The following CAPN14 variants were observed in gnomAD, a reference collection of about 807,000 sequenced individuals.
CAPN14 encodes the protein calpain 14, also known as calpain-14.
In CAPN14, 94 loss-of-function variants were observed where a neutral mutation model predicts 101.3. The ratio of observed to expected loss-of-function variants is 0.93; its 90% CI spans 0.79 to 1.10. The LOEUF is 1.10. Among genes scored for constraint, CAPN14 ranks in the 50% least tolerant of loss-of-function variants. The pLI is 0.00. For missense variants in CAPN14, 837 were observed against 828.4 expected (o/e 1.01, Z -0.13); for synonymous variants, 338 against 317.9 (o/e 1.06, Z -0.67).
intron 7 of CAPN14, among the ~76,000 whole-genome samples, chr2:31,197,543 C>T (rs1034786234): frequency 1.3e-5 from 2 of 152,270 alleles, no homozygotes; most frequent in Non-Finnish European, 2.9e-5. Flanking sequence ...CTCCATTTCC[C>T]GATCTGTGAA....
At chr2:31,189,646 T>C in intron 12 of CAPN14, 168 bp from the exon 13 acceptor site, 1 of 700,504 alleles carries the variant, frequency 1.4e-6, no homozygotes, top group Non-Finnish European at 2.6e-6. Flanking sequence ...AAAACCAGAA[T>C]ATGTGTGTGG....
At chr2:31,177,882 C>A (rs1049678368) in intron 18 of CAPN14, 61 bp from the exon 19 acceptor site, 7 of 1,208,720 alleles carry the variant, frequency 5.8e-6, no homozygotes, top group African/African-American at 3.0e-5. Flanking sequence ...ATCTGAGAGC[C>A]CTGTGTGCCC....
chr2:31,175,382 C>T (rs1445278919), intron 21 of CAPN14, among the ~76,000 whole-genome samples: 1 of 152,186 alleles, frequency 6.6e-6, no homozygotes, highest in Non-Finnish European at 1.5e-5. Context: ...TTGCCTAAGG[C>T]CCCACAGCTA....
chr2:31,208,495 A>C (rs1238431951), intron 1 of CAPN14, among the ~76,000 whole-genome samples: 2 of 152,196 alleles, frequency 1.3e-5, no homozygotes, highest in Non-Finnish European at 2.9e-5. Context: ...AGCACAGTAC[A>C]TCATGGGCTC....
chr2:31,221,962 G>T (rs1478232687), upstream of CAPN14, among the ~76,000 whole-genome samples: 1 of 152,174 alleles, frequency 6.6e-6, no homozygotes, highest in African/African-American at 2.4e-5. Flanking sequence ...CTGAAGCACT[G>T]TGTCTAGCAT....
intron 9 of CAPN14, 33 bp downstream of exon 9, chr2:31,194,376 C>A: frequency 6.7e-7 from 1 of 1,502,856 alleles, no homozygotes; most frequent in Non-Finnish European, 9.1e-7. Flanking sequence ...AAATGTAGGC[C>A]AGGACATTTG....
upstream of CAPN14, among the ~76,000 whole-genome samples, chr2:31,222,487 C>T (rs1162946170): frequency 2.0e-5 from 3 of 152,158 alleles, no homozygotes; most frequent in Non-Finnish European, 2.9e-5. Flanking sequence ...AGCAACTCAC[C>T]TCTAAGAGCC....
chr2:31,227,522 G>A (rs1683061406), intron 1 of CAPN14, among the ~76,000 whole-genome samples: 1 of 152,132 alleles, frequency 6.6e-6, no homozygotes, highest in African/African-American at 2.4e-5. Flanking sequence ...AAGGGGAAAG[G>A]GAACTATTTA....
intron 13 of CAPN14, 64 bp downstream of exon 13, chr2:31,189,209 T>C (rs1681054732): frequency 7.1e-7 from 1 of 1,417,976 alleles, no homozygotes; most frequent in South Asian, 1.2e-5. Context: ...TTTCCAACCT[T>C]GCCCTCCTTG....
rs1448418888 is a variant in CAPN14 at position 31,173,194 on chromosome 2, C to T, written c.*1487G>A. 1 of 152,192 alleles carries T rather than the reference C, an allele frequency of 6.6e-6. No individual in the cohort carries two copies. The highest frequency in any genetic ancestry group is 2.4e-5 in the African/African-American group (1 of 41,452). The allele number at this position is 152,192 out of a possible 1,614,324, so 9.4% of individuals were successfully genotyped here. On this transcript the variant is annotated 3_prime_UTR_variant, in exon 22 of 22. Transcript: ENST00000403897. ...ACATGATCATCATTTATAAAATCAA[C>T]AACATCTCATGTATCTGGCACTTTA...
At position 31,177,042 on chromosome 2, in the gene CAPN14, A is replaced by G; in HGVS notation, c.1956T>C (p.Arg652=). The G allele has an allele frequency of 6.4e-7, 1 of 1,551,312 alleles. No individual in the cohort carries two copies. ...DFVSFIHLML[R]VENMEDVFQN... ...CCAGCTTACCCTCCATGTTCTCTAC[A>G]CGCAGCATCAAGTGGATGAAACTGA... is the stretch of plus-strand genomic sequence containing the variant. Residue 652 remains arginine, a synonymous_variant, in exon 20 of 22, where the codon CGT becomes CGC. Transcript: ENST00000403897.
At position 31,200,517 on chromosome 2, in the gene CAPN14, G is replaced by T; in HGVS notation, c.660C>A (p.Asn220Lys). 6.4e-7 allele frequency: 1 copy of T among 1,551,550 alleles called. No individual in the cohort carries two copies. The highest frequency in any genetic ancestry group is 1.7e-4 in the Middle Eastern group (1 of 5,848). ...MTINLAEAHG[N>K]LWDILIEATY... is the part of the protein sequence containing the mutation. ...TGGCTTCGATGAGGATGTCCCAGAG[G>T]TTGCCATGGGCTTCTGCCAGGTTGA... The change falls in exon 6 of 22, where the codon AAC becomes AAA. Residue 220 changes from asparagine to lysine, a missense_variant. Transcript: ENST00000403897.
At chr2:31,177,623 C>A (rs1037900946) in intron 19 of CAPN14, 123 bp downstream of exon 19, 1 of 710,106 alleles carries the variant, frequency 1.4e-6, no homozygotes, top group Admixed American at 2.4e-5. Flanking sequence ...TGCAGATCTA[C>A]GTCTTTGAGA....
intron 5 of CAPN14, 77 bp from the exon 6 acceptor site, chr2:31,200,702 C>CTTA (rs1681714307): frequency 7.4e-7 from 1 of 1,352,328 alleles, no homozygotes; most frequent in Non-Finnish European, 9.9e-7. Flanking sequence ...TCGGCATCCA[C>CTTA]TTTTAAATAG....
At chr2:31,216,784 C>A (rs1460911997) in intron 1 of CAPN14, among the ~76,000 whole-genome samples, 1 of 152,136 alleles carries the variant, frequency 6.6e-6, no homozygotes, top group Non-Finnish European at 1.5e-5. Context: ...ATTTCCAGTG[C>A]CCATAGGCCA....
At chr2:31,200,930 C>A (rs144071236) in intron 5 of CAPN14, among the ~76,000 whole-genome samples, 3 of 152,140 alleles carry the variant, frequency 2.0e-5, no homozygotes, top group African/African-American at 4.8e-5. Flanking sequence ...TCACTCACAG[C>A]GAGATCTCAA....
intron 1 of CAPN14, among the ~76,000 whole-genome samples, chr2:31,217,031 G>T (rs564928074): frequency 6.6e-6 from 1 of 152,326 alleles, no homozygotes; most frequent in African/African-American, 2.4e-5. Context: ...TCAGTGATAA[G>T]CTGGCTGCCC....
At chr2:31,187,733 C>G (rs547400887) in intron 15 of CAPN14, 25 bp downstream of exon 15, 4 of 1,544,780 alleles carry the variant, frequency 2.6e-6, no homozygotes, top group African/African-American at 1.4e-5. Context: ...TCTTCCTCAC[C>G]CCCCACCACA....
At chr2:31,190,440 T>C (rs753230416) in intron 12 of CAPN14, among the ~76,000 whole-genome samples, 1 of 152,220 alleles carries the variant, frequency 6.6e-6, no homozygotes, top group Non-Finnish European at 1.5e-5. Context: ...CTCTTTGCCA[T>C]GGGCTACTAG....
Sources: gnomAD v4.1 joint callset for allele counts (sites outside exome capture counted in the v4.1 genomes callset) on GRCh38, gnomAD v4.1.1 for gene constraint, MANE v1.5 for transcripts, NCBI Gene and HGNC (gene_info 2026-07-23, HGNC 2026-07-21) for gene names.